ADGRL1: variants seen among roughly 807,000 people sequenced by gnomAD.
The protein encoded by ADGRL1 is adhesion G protein-coupled receptor L1, also known as CIRL-1.
Under a neutral mutation model 148.9 loss-of-function variants are expected in ADGRL1, and 31 were observed. The observed-to-expected ratio is 0.21, with a 90% CI of 0.16 to 0.28. ADGRL1 has a LOEUF of 0.28. Ranked by LOEUF, ADGRL1 falls within the 10% of genes least tolerant of loss-of-function variation. ADGRL1 has a pLI of 1.00. For synonymous variants in ADGRL1, 937 were observed against 900.3 expected, an observed-to-expected ratio of 1.04 and a Z score of -0.73; for missense variants, 1,521 against 2,058.8, an observed-to-expected ratio of 0.74 and a Z score of 5.05.
intron 1 of ADGRL1, among the ~76,000 whole-genome samples, chr19:14,197,855 T>C (rs1054735443): frequency 5.3e-5 from 8 of 152,070 alleles, no homozygotes; most frequent in Non-Finnish European, 7.4e-5. Flanking sequence ...GAAGATGAAA[T>C]AGACCCAAAA....
chr19:14,190,471 T>G (rs1971858061), intron 1 of ADGRL1, among the ~76,000 whole-genome samples: 1 of 152,174 alleles, frequency 6.6e-6, no homozygotes, highest in Admixed American at 6.5e-5. Context: ...CTTGCTATGT[T>G]GTTCAGGCTG....
intron 3 of ADGRL1, among the ~76,000 whole-genome samples, chr19:14,175,602 A>T (rs533282976): frequency 6.6e-6 from 1 of 151,984 alleles, no homozygotes; most frequent in Non-Finnish European, 1.5e-5. Context: ...ATACACACTC[A>T]TACAGACACA....
chr19:14,193,576 G>A (rs184024253), intron 1 of ADGRL1, among the ~76,000 whole-genome samples: 24 of 152,094 alleles, frequency 1.6e-4, no homozygotes, highest in Non-Finnish European at 2.5e-4. Context: ...AAGAGAGTGG[G>A]ACCCCATGTC....
Position 14,155,726 on chromosome 19 carries a change from C to T in ADGRL1, c.3126-199G>A. The T allele has an allele frequency of 3.3e-6, 2 of 598,138 alleles. No individual in the cohort carries two copies. Among genetic ancestry groups the T allele is most frequent in the East Asian group, 2.8e-5 (1 of 35,954 alleles). The allele number at this position is 598,138 out of a possible 1,614,324, so 37.1% of individuals were successfully genotyped here. A position where few individuals can be genotyped will look rare whatever the true frequency, so the allele number is the denominator to read the frequency against. On this transcript the variant is annotated intron_variant, in intron 17 of 22. Transcript: ENST00000361434. The surrounding 1 kb of genome is among the most constrained non-coding windows in gnomAD (Gnocchi z 5.0). ...GGAGCCTGGGCCTGAGGGAAAGGTA[C>T]TGGGTCAGGGGTCGGGGTATTGTGA...
In ADGRL1 at chr19:14,158,356, G is replaced by A; in HGVS notation, c.2346C>T (p.Phe782=). 1.2e-6 allele frequency: 2 copies of A among 1,613,710 alleles called. No homozygotes were observed. The highest frequency in any genetic ancestry group is 1.7e-6 in the Non-Finnish European group (2 of 1,180,008). The change falls in exon 12 of 23, where the codon TTC becomes TTT. Residue 782 remains phenylalanine, a synonymous_variant. Coordinates refer to ENST00000361434, the MANE Select transcript of ADGRL1 (RefSeq NM_014921.5). ...SRVFLMDPVI[F]TVAHLEDKNH... ...AGCTCACCTCCAGGTGGGCCACGGTGAAGATGACAGGGTCCATGAGGAAGA... is the reference window on the plus strand; with the variant it reads ...AGCTCACCTCCAGGTGGGCCACGGTAAAGATGACAGGGTCCATGAGGAAGA...
At chr19:14,171,525 A>C (rs1229255674) in intron 3 of ADGRL1, among the ~76,000 whole-genome samples, 1 of 152,192 alleles carries the variant, frequency 6.6e-6, no homozygotes, top group Non-Finnish European at 1.5e-5. Flanking sequence ...TTTTCTTTAA[A>C]TGGACTTTAA....
intron 1 of ADGRL1, among the ~76,000 whole-genome samples, chr19:14,193,271 C>CCAAA (rs1972060410): frequency 2.1e-5 from 1 of 48,616 alleles, no homozygotes; most frequent in South Asian, 8.8e-4. Flanking sequence ...CCCCCACCGC[C>CCAAA]AAAAAAAAAA....
In ADGRL1 at chr19:14,158,294, G is replaced by C. The variant is rs773049820; in HGVS notation, c.2364+44C>G. On this transcript the variant is annotated intron_variant, in intron 12 of 22. Transcript: ENST00000361434. ...CAGGTACACAGCCTGGGAACACAGA[G>C]GGTACAGGGACCCCCATGGAGGGAG... 3.2e-6 allele frequency: 5 copies of C among 1,585,478 alleles called. No individual in the cohort carries two copies. The East Asian group carries it at 6.7e-5, about 21-fold the overall frequency.
At chr19:14,156,572 G>T (rs1052024879) in intron 16 of ADGRL1, 86 bp downstream of exon 16, 50 of 887,276 alleles carry the variant, frequency 5.6e-5, no homozygotes, top group Non-Finnish European at 6.8e-5. Context: ...TGTGTGGGGG[G>T]GGTGGGGGGC....
chr19:14,158,533 G>A lies in ADGRL1; in HGVS notation c.2169C>T (p.Phe723=). The A allele has an allele frequency of 1.9e-6, 3 of 1,613,950 alleles. No individual in the cohort carries two copies. The highest frequency in any genetic ancestry group is 2.2e-5 in the East Asian group (1 of 44,888). ...AGAGGCCCAGGTTGTTGTAGAGGAT[G>A]AAGACAACTTTGACCACCCCTGGTG... ...NSRNGVVKVV[F]ILYNNLGLFL... The change falls in exon 12 of 23, where the codon TTC becomes TTT. Residue 723 remains phenylalanine, a synonymous_variant. Transcript: ENST00000361434.
chr19:14,180,407 C>T (rs1971109294), intron 2 of ADGRL1, among the ~76,000 whole-genome samples: 2 of 152,118 alleles, frequency 1.3e-5, no homozygotes, highest in South Asian at 4.2e-4. Context: ...AGGCGCCTGC[C>T]ACCACACCCC....
chr19:14,191,353 T>C (rs901348934), intron 1 of ADGRL1: 1 of 456,542 alleles, frequency 2.2e-6, no homozygotes, highest in Non-Finnish European at 4.4e-6. Flanking sequence ...GTGTCTCTGT[T>C]TTCTTCTTGG....
chr19:14,183,121 T>C (rs1355787731), intron 2 of ADGRL1, among the ~76,000 whole-genome samples: 2 of 152,100 alleles, frequency 1.3e-5, no homozygotes, highest in East Asian at 1.9e-4. Flanking sequence ...TAATTAGTTG[T>C]TTTTAAATAA....
intron 2 of ADGRL1, among the ~76,000 whole-genome samples, chr19:14,180,531 C>T (rs1275019983): frequency 5.9e-5 from 9 of 151,918 alleles, no homozygotes; most frequent in Non-Finnish European, 1.3e-4. Context: ...GCTGGGATTA[C>T]AGGCATGAGC....
intron 11 of ADGRL1, among the ~76,000 whole-genome samples, 158 bp downstream of exon 11, chr19:14,158,932 G>C (rs1240474160): frequency 6.6e-6 from 1 of 152,098 alleles, no homozygotes; most frequent in Non-Finnish European, 1.5e-5. Context: ...TTAGGGCTCT[G>C]CAGCACTTCA....
chr19:14,158,383 G>A lies in ADGRL1; in HGVS notation c.2319C>T (p.Arg773=), dbSNP rs35068509. The stretch of plus-strand genomic sequence containing the variant: ...AGATGACAGGGTCCATGAGGAAGAC[G>A]CGGCTGGACTCCTTGTTGATGGATG... The part of the protein sequence containing the change: ...IAASINKESS[R]VFLMDPVIFT... Residue 773 remains arginine, a synonymous_variant, in exon 12 of 23, where the codon CGC becomes CGT. Coordinates refer to ENST00000361434, the MANE Select transcript of ADGRL1 (RefSeq NM_014921.5). 0.018 allele frequency: 28,391 copies of A among 1,613,698 alleles called. 591 individuals carry two copies. Among genetic ancestry groups the A allele is most frequent in the African/African-American group, 0.1 (7,778 of 74,990 alleles).
rs753915429 is a variant in ADGRL1, at chr19:14,152,637, G to T, written c.3424-24C>A. 1 of 1,609,532 alleles carries T rather than the reference G, an allele frequency of 6.2e-7. No homozygotes were observed. Among genetic ancestry groups the T allele is most frequent in the Non-Finnish European group, 8.5e-7 (1 of 1,176,484 alleles). On this transcript the variant is annotated intron_variant, in intron 19 of 22. Coordinates refer to ENST00000361434, the MANE Select transcript of ADGRL1 (RefSeq NM_014921.5). The surrounding 1 kb of genome is among the most constrained non-coding windows in gnomAD (Gnocchi z 6.1). ...CTCTGGGAACACAACCCAAATGTGA[G>T]GGGATCCTTGGGCCACCCACCCTCT...
chr19:14,158,224 G>T, intron 12 of ADGRL1, 114 bp downstream of exon 12: 1 of 1,290,866 alleles, frequency 7.7e-7, no homozygotes, highest in Non-Finnish European at 1.1e-6. Context: ...AAGCTCTAAA[G>T]TGGAAGAACC....
Position 14,152,204 on chromosome 19 carries a change from G to T in ADGRL1, c.3650-54C>A. ...GAAAAGGCAAGGATGAGCTCGAAAT[G>T]CAAGTCCAGGCTCCAGTTCTGGGGC... On this transcript the variant is annotated intron_variant, in intron 21 of 22. Coordinates refer to ENST00000361434, the MANE Select transcript of ADGRL1 (RefSeq NM_014921.5). This position sits in a 1 kb window ranked among gnomAD's most constrained non-coding sequence, Gnocchi z 6.1. 3 of 1,614,064 alleles carry T rather than the reference G, an allele frequency of 1.9e-6. No homozygotes were observed. Among genetic ancestry groups the T allele is most frequent in the Non-Finnish European group, 2.5e-6 (3 of 1,179,998 alleles).
Sources: allele counts gnomAD v4.1 joint callset (sites outside exome capture counted in the v4.1 genomes callset), GRCh38; gene constraint gnomAD v4.1.1; non-coding constraint Gnocchi (gnomAD v3.1); transcripts MANE v1.5; gene names NCBI Gene and HGNC (gene_info 2026-07-23, HGNC 2026-07-21).